Variants in GEMIN5 observed in about 807,000 individuals in gnomAD.
GEMIN5 encodes gem-associated protein 5.
A neutral mutation model predicts 176.9 loss-of-function variants in GEMIN5; 124 were observed. The observed-to-expected ratio is 0.70, with a 90% CI of 0.61 to 0.81. The LOEUF is 0.81. Among genes scored for constraint, GEMIN5 ranks in the 40% least tolerant of loss-of-function variants. The pLI, the probability that GEMIN5 is intolerant of heterozygous loss-of-function variation, is 0.00. For synonymous variants in GEMIN5, 673 were observed against 665.2 expected (o/e 1.01, Z -0.18); for missense variants, 1,843 against 1,814.6 (o/e 1.02, Z -0.28).
In GEMIN5 at chr5:154,887,978, G is replaced by C. The variant is rs1261510243; in HGVS notation, c.*232C>G. 2.0e-6 allele frequency: 1 copy of C among 506,240 alleles called. No homozygotes were observed. The highest frequency in any genetic ancestry group is 3.6e-6 in the Non-Finnish European group (1 of 281,626). 31.4% of individuals were successfully genotyped at this position (506,240 alleles called of 1,614,324 possible). Reference sequence around the variant, plus strand: ...CAGGTGTTAGTTCTGAATAACTACTGTGGGCTTTTCATGATCTTCCCTCCA... The same window carrying C: ...CAGGTGTTAGTTCTGAATAACTACTCTGGGCTTTTCATGATCTTCCCTCCA... On this transcript the variant is annotated 3_prime_UTR_variant, in exon 28 of 28. Coordinates refer to ENST00000285873, the MANE Select transcript of GEMIN5 (RefSeq NM_015465.5).
chr5:154,891,299 C>T lies in GEMIN5; in HGVS notation c.4204G>A (p.Asp1402Asn). 1.9e-6 allele frequency: 3 copies of T among 1,614,064 alleles called. No homozygotes were observed. Among genetic ancestry groups the T allele is most frequent in the Non-Finnish European group, 2.5e-6 (3 of 1,179,986 alleles). ...QLCKSTANGP[D>N]KNEPEVEAEQ... ...GCTTCTACTTCCGGTTCATTCTTAT[C>T]AGGACCATTTGCTGTGGATTTACAG... The change falls in exon 26 of 28, where the codon GAT becomes AAT. Residue 1402 changes from aspartate (D) to asparagine (N), a missense_variant. Transcript: ENST00000285873.
At chr5:154,889,237 T>C (rs1292953611) in intron 27 of GEMIN5, 84 bp downstream of exon 27, 3 of 738,738 alleles carry the variant, frequency 4.1e-6, no homozygotes, top group Non-Finnish European at 7.5e-6. Flanking sequence ...AACAGAGAGG[T>C]AGCTGACCTT....
intron 5 of GEMIN5, among the ~76,000 whole-genome samples, chr5:154,929,818 C>A (rs890051021): frequency 6.6e-6 from 1 of 152,244 alleles, no homozygotes; most frequent in African/African-American, 2.4e-5. Flanking sequence ...ATTCCAAGTG[C>A]TGTGCTACTT....
intron 26 of GEMIN5, 95 bp from the exon 27 acceptor site, chr5:154,889,512 T>C: frequency 1.6e-6 from 1 of 641,536 alleles, no homozygotes; most frequent in Non-Finnish European, 2.8e-6. Flanking sequence ...GTATATAACA[T>C]AAAGCTTACC....
In GEMIN5 at chr5:154,905,356, T is replaced by C. The variant is rs552013776; in HGVS notation, c.2509+7A>G. ...AAAATACTGTATTTTAATTACTAGA[T>C]ACCAACCTGGCTTCTCTTTTGGTGG... On this transcript the variant is annotated splice_region_variant and intron_variant, in intron 17 of 27. Transcript: ENST00000285873. 4 of 1,413,372 alleles carry C rather than the reference T, an allele frequency of 2.8e-6. No homozygotes were observed. The South Asian group carries it at 3.6e-5, about 13-fold the overall frequency. 87.6% of individuals were successfully genotyped at this position (1,413,372 alleles called of 1,614,324 possible). A position where few individuals can be genotyped will look rare whatever the true frequency, so the allele number is the denominator to read the frequency against.
chr5:154,898,372 G>T, intron 23 of GEMIN5, 68 bp downstream of exon 23: 1 of 1,392,346 alleles, frequency 7.2e-7, no homozygotes, highest in Non-Finnish European at 1.0e-6. Context: ...TTATTAACTT[G>T]GATTTGACTA....
chr5:154,908,506 GGA>G (rs1338414637), intron 15 of GEMIN5, among the ~76,000 whole-genome samples: 1 of 152,086 alleles, frequency 6.6e-6, no homozygotes, highest in African/African-American at 2.4e-5. Flanking sequence ...TATAGCAAAA[GGA>G]ATCAATCCAG....
At chr5:154,900,647 T>C (rs1252503284) in intron 21 of GEMIN5, among the ~76,000 whole-genome samples, 1 of 152,176 alleles carries the variant, frequency 6.6e-6, no homozygotes, top group African/African-American at 2.4e-5. Flanking sequence ...AGGGGCAGGA[T>C]ACTAGGAAGG....
At chr5:154,890,054 C>T (rs150747178) in intron 26 of GEMIN5, among the ~76,000 whole-genome samples, 1,577 of 152,302 alleles carry the variant, frequency 0.01, 22 homozygotes, top group African/African-American at 0.034. Flanking sequence ...TACTGTTTTC[C>T]ACAGTGGCTG....
At chr5:154,897,855 A>G (rs1360343912) in intron 23 of GEMIN5, among the ~76,000 whole-genome samples, 1 of 151,844 alleles carries the variant, frequency 6.6e-6, no homozygotes, top group Non-Finnish European at 1.5e-5. Flanking sequence ...GATAACATCA[A>G]TGAAGAAACC....
intron 11 of GEMIN5, among the ~76,000 whole-genome samples, chr5:154,919,357 A>C (rs564722874): frequency 3.2e-4 from 48 of 152,304 alleles, no homozygotes; most frequent in African/African-American, 1.1e-3. Flanking sequence ...TAAGGAAATA[A>C]GGAAATCTCA....
chr5:154,916,999 T>G lies in GEMIN5; in HGVS notation c.1854A>C (p.Ile618=), dbSNP rs1363288794. The change falls in exon 13 of 28, where the codon ATA becomes ATC. Residue 618 remains isoleucine, a splice_region_variant and synonymous_variant. Transcript: ENST00000285873. ...VIYVHNLKTV[I]ESSPESPVTI... is the part of the protein sequence containing the mutation. ...CAGTATGAAAGAAACCAAAGTTACCTATGACAGTCTTCAGGTTGTGCACGT... is the reference window on the plus strand; with the variant it reads ...CAGTATGAAAGAAACCAAAGTTACCGATGACAGTCTTCAGGTTGTGCACGT... 3 of 1,562,416 alleles carry G rather than the reference T, an allele frequency of 1.9e-6. No individual in the cohort carries two copies. Among genetic ancestry groups the G allele is most frequent in the Non-Finnish European group, 2.6e-6 (3 of 1,142,688 alleles).
chr5:154,932,766 G>A (rs1263628980), intron 3 of GEMIN5, among the ~76,000 whole-genome samples: 1 of 152,038 alleles, frequency 6.6e-6, no homozygotes, highest in Non-Finnish European at 1.5e-5. Context: ...GTTTCACCAT[G>A]TTGCTCATGG....
Position 154,896,293 on chromosome 5 carries a change from C to T in GEMIN5, c.3396G>A (p.Glu1132=). 1 of 1,611,622 alleles carries T rather than the reference C, an allele frequency of 6.2e-7. No homozygotes were observed. Among genetic ancestry groups the T allele is most frequent in the East Asian group, 2.2e-5 (1 of 44,836 alleles). The change falls in exon 24 of 28, where the codon GAG becomes GAA. Residue 1132 remains glutamate (E), a synonymous_variant. Coordinates refer to ENST00000285873, the MANE Select transcript of GEMIN5 (RefSeq NM_015465.5). ...TTTTGCCCTCTGAAAGCTGCTTTTC[C>T]TCCAGATGCCTGGACAGTAGCTCCA... The part of the protein sequence containing the change: ...CLLELLSRHL[E]EKQLSEGKSS...
chr5:154,896,105 G>A lies in GEMIN5; in HGVS notation c.3584C>T (p.Thr1195Ile), dbSNP rs764495951. Reference sequence around the variant, plus strand: ...CAGATGGCTTACCTGTTTGGCAGGTGTGTTATTTGTAGCAGATGGGTACTT... The same window carrying A: ...CAGATGGCTTACCTGTTTGGCAGGTATGTTATTTGTAGCAGATGGGTACTT... ...NIKYPSATNN[T>I]PAKQLLLHIC... Residue 1195 changes from threonine (T) to isoleucine (I), a missense_variant, in exon 24 of 28, where the codon ACA becomes ATA. Thr to Ile is a moderately conservative substitution (Grantham distance 89). Transcript: ENST00000285873. The A allele has an allele frequency of 2.5e-6, 4 of 1,613,594 alleles. No individual in the cohort carries two copies. The African/African-American group carries it at 5.3e-5, about 22-fold the overall frequency.
At chr5:154,909,540 G>A (rs1289203514) in intron 15 of GEMIN5, among the ~76,000 whole-genome samples, 1 of 99,426 alleles carries the variant, frequency 1.0e-5, no homozygotes, top group Non-Finnish European at 2.2e-5. Context: ...TAAATACTTT[G>A]GTACAAAGTA....
intron 16 of GEMIN5, 62 bp downstream of exon 16, chr5:154,907,529 C>T (rs1763592216): frequency 8.5e-7 from 1 of 1,181,718 alleles, no homozygotes; most frequent in Admixed American, 1.8e-5. Context: ...GAGTAAGGAC[C>T]TAGCTTAGTT....
chr5:154,902,490 A>T, intron 20 of GEMIN5, 49 bp downstream of exon 20: 1 of 1,581,330 alleles, frequency 6.3e-7, no homozygotes, highest in Non-Finnish European at 8.7e-7. Flanking sequence ...GACGTATCCT[A>T]GAGATGATAG....
intron 5 of GEMIN5, among the ~76,000 whole-genome samples, chr5:154,930,095 T>C (rs530966332): frequency 6.6e-6 from 1 of 152,338 alleles, no homozygotes; most frequent in African/African-American, 2.4e-5. Flanking sequence ...CTCATTCCGA[T>C]TACCTGCTCC....
Sources: allele counts gnomAD v4.1 joint callset (sites outside exome capture counted in the v4.1 genomes callset), GRCh38; gene constraint gnomAD v4.1.1; transcripts MANE v1.5; gene names NCBI Gene and HGNC (gene_info 2026-07-23, HGNC 2026-07-21).